Variants in PCF11 observed in about 807,000 individuals in gnomAD.
PCF11 encodes the protein pre-mRNA cleavage complex 2 protein Pcf11.
A neutral mutation model predicts 166.1 loss-of-function variants in PCF11; 19 were observed. That is an observed-to-expected ratio of 0.11 (90% CI 0.08 to 0.17). PCF11 has a LOEUF of 0.17. Among genes scored for constraint, PCF11 ranks in the 10% least tolerant of loss-of-function variants. The pLI is 1.00. For synonymous variants in PCF11, 663 were observed against 644.1 expected (o/e 1.03, Z -0.44); for missense variants, 1,565 against 1,855.5 (o/e 0.84, Z 2.88).
At chr11:83,170,735 G>A (rs545505629) in intron 8 of PCF11, among the ~76,000 whole-genome samples, 1 of 152,264 alleles carries the variant, frequency 6.6e-6, no homozygotes, top group South Asian at 2.1e-4. Flanking sequence ...CCTAGGCTGA[G>A]TTTTACTTCT....
intron 9 of PCF11, among the ~76,000 whole-genome samples, chr11:83,172,320 C>CAA (rs1565158087): frequency 6.6e-6 from 1 of 152,124 alleles, no homozygotes; most frequent in East Asian, 1.9e-4. Flanking sequence ...ACTCAAATAG[C>CAA]AAAAAGCGGC....
At chr11:83,168,128 T>C (rs1860537925) in intron 7 of PCF11, among the ~76,000 whole-genome samples, 1 of 152,248 alleles carries the variant, frequency 6.6e-6, no homozygotes, top group Non-Finnish European at 1.5e-5. Context: ...TAATTTGATT[T>C]AATCCTCACA....
chr11:83,161,848 TAATCCCTC>T (rs895357794), intron 2 of PCF11, among the ~76,000 whole-genome samples: 1 of 152,350 alleles, frequency 6.6e-6, no homozygotes, highest in African/African-American at 2.4e-5. Context: ...GTAAAAAGCA[TAATCCCTC>T]AGTGTCTCAA....
chr11:83,184,204 T>A (rs1861189587), intron 15 of PCF11: 1 of 153,496 alleles, frequency 6.5e-6, no homozygotes, highest in Non-Finnish European at 1.4e-5. Flanking sequence ...AGTCTGTTTT[T>A]AAAATCAAGT....
chr11:83,184,871 A>G (rs776051661), exon 16 of PCF11: 3 of 1,568,972 alleles, frequency 1.9e-6, no homozygotes, highest in Non-Finnish European at 2.6e-6. Context: ...TAAAACAGAA[A>G]ATGACACAGT....
intron 11 of PCF11, among the ~76,000 whole-genome samples, chr11:83,178,036 C>G (rs1565161129): frequency 6.6e-6 from 1 of 151,204 alleles, no homozygotes; most frequent in Non-Finnish European, 1.5e-5. Flanking sequence ...GTCTGCTGTA[C>G]AAGTACTTGG....
At chr11:83,169,799 A>G (rs368493386) in exon 8 of PCF11, 39 of 1,613,676 alleles carry the variant, frequency 2.4e-5, no homozygotes, top group African/African-American at 6.7e-5. Flanking sequence ...TTCCAAAGAC[A>G]TGAACAAATA....
chr11:83,177,074 T>G lies in PCF11; in HGVS notation c.3758-11T>G, dbSNP rs1043290342. 95 of 1,456,276 alleles carry G rather than the reference T, an allele frequency of 6.5e-5. No homozygotes were observed. Among genetic ancestry groups the G allele is most frequent in the Non-Finnish European group, 8.2e-5 (90 of 1,103,144 alleles). 90.2% of individuals were successfully genotyped at this position (1,456,276 alleles called of 1,614,324 possible). On this transcript the variant is annotated splice_polypyrimidine_tract_variant and intron_variant, in intron 9 of 15. Transcript: ENST00000298281. Reference sequence around the variant, plus strand: ...AAGTGGTTTTTTTTCTTTCTTTCTTTTTTTTGTTAGGAGCCCTCCCTAAGG... The same window carrying G: ...AAGTGGTTTTTTTTCTTTCTTTCTTGTTTTTGTTAGGAGCCCTCCCTAAGG...
At chr11:83,164,437 A>G (rs1191178756) in intron 4 of PCF11, 36 bp downstream of exon 4, 1 of 1,480,880 alleles carries the variant, frequency 6.8e-7, no homozygotes, top group South Asian at 1.2e-5. Flanking sequence ...AATATTTTAA[A>G]CCTGTCTAAC....
At chr11:83,169,798 C>G (rs749895506) in exon 8 of PCF11, 3 of 1,613,650 alleles carry the variant, frequency 1.9e-6, no homozygotes, top group Admixed American at 3.3e-5. Context: ...GTTCCAAAGA[C>G]ATGAACAAAT....
chr11:83,157,887 C>T (rs112177345), intron 1 of PCF11: 3 of 521,466 alleles, frequency 5.8e-6, no homozygotes, highest in South Asian at 4.8e-5. Flanking sequence ...CATTGTATAT[C>T]CCGACACACA....
chr11:83,164,696 A>T (rs1347049083), intron 4 of PCF11, among the ~76,000 whole-genome samples: 1 of 151,836 alleles, frequency 6.6e-6, no homozygotes, highest in African/African-American at 2.4e-5. Flanking sequence ...CAGCCTGGGC[A>T]ACATAGTGAG....
intron 9 of PCF11, among the ~76,000 whole-genome samples, chr11:83,172,537 C>G (rs1860724378): frequency 6.6e-6 from 1 of 152,134 alleles, no homozygotes; most frequent in Non-Finnish European, 1.5e-5. Flanking sequence ...ATTCTCCTGT[C>G]TCAGCCTCCC....
In PCF11 at chr11:83,168,417, C is replaced by T. The variant is rs1311096882; in HGVS notation, c.2093-11C>T. On this transcript the variant is annotated splice_polypyrimidine_tract_variant and intron_variant, in intron 7 of 15. Coordinates refer to ENST00000298281, the Ensembl canonical transcript of PCF11. ...AACTTTAGTGAAAATAATTTTTTTCCTTTTTAAAAGGTGTGCGAGAAGAGC... is the reference window on the plus strand; with the variant it reads ...AACTTTAGTGAAAATAATTTTTTTCTTTTTTAAAAGGTGTGCGAGAAGAGC... 5 of 1,550,806 alleles carry T rather than the reference C, an allele frequency of 3.2e-6. No homozygotes were observed. The highest frequency in any genetic ancestry group is 1.2e-5 in the South Asian group (1 of 82,286).
chr11:83,182,159 A>G (rs1448514558), intron 13 of PCF11, 150 bp downstream of exon 13: 6 of 755,488 alleles, frequency 7.9e-6, no homozygotes, highest in Admixed American at 3.5e-5. Flanking sequence ...TACTCTTACA[A>G]TCTAGCTTTG....
chr11:83,182,099 T>C (rs568520838), intron 13 of PCF11, 90 bp downstream of exon 13: 2 of 1,023,206 alleles, frequency 2.0e-6, no homozygotes, highest in Non-Finnish European at 2.8e-6. Flanking sequence ...TATATTTATA[T>C]CCCTGTTTTA....
At chr11:83,162,761 G>A (rs751987516) in intron 2 of PCF11, among the ~76,000 whole-genome samples, 8 of 152,098 alleles carry the variant, frequency 5.3e-5, no homozygotes, top group Non-Finnish European at 7.4e-5. Context: ...TCTTGATGGC[G>A]AATTTTCTTT....
chr11:83,174,139 A>G (rs1860795449), intron 9 of PCF11, among the ~76,000 whole-genome samples: 1 of 152,208 alleles, frequency 6.6e-6, no homozygotes, highest in Admixed American at 6.5e-5. Context: ...ATGGGACATT[A>G]GGTGTGTCTT....
rs78714747 is a variant in PCF11, at chr11:83,165,095, G to A, written c.703-505G>A. ...ATGACAAAATTAAGGAGGCCAGGAAGATTATATCTTTCTACACATAAATGA... is the reference window on the plus strand; with the variant it reads ...ATGACAAAATTAAGGAGGCCAGGAAAATTATATCTTTCTACACATAAATGA... On this transcript the variant is annotated intron_variant, in intron 4 of 15. Coordinates refer to ENST00000298281, the Ensembl canonical transcript of PCF11. 8.1e-4 allele frequency among the ~76,000 whole-genome samples: 124 copies of A among 152,306 alleles called. No individual in the cohort carries two copies. In the East Asian group the frequency reaches 0.022, roughly 27 times the overall value.
Sources: gnomAD v4.1 joint callset for allele counts (sites outside exome capture counted in the v4.1 genomes callset) on GRCh38, gnomAD v4.1.1 for gene constraint, MANE v1.5 for transcripts, NCBI Gene and HGNC (gene_info 2026-07-23, HGNC 2026-07-21) for gene names.